The following PCDHA1 variants were observed in gnomAD, a reference collection of about 807,000 sequenced individuals.
The protein encoded by PCDHA1 is protocadherin alpha-1.
Under a neutral mutation model 61.3 loss-of-function variants are expected in PCDHA1, and 42 were observed. The ratio of observed to expected loss-of-function variants is 0.69; its 90% CI spans 0.54 to 0.89. The LOEUF is 0.89. Ranked by LOEUF, PCDHA1 falls within the 40% of genes least tolerant of loss-of-function variation. The pLI is 0.00. For missense variants in PCDHA1, 1,256 were observed against 1,235.3 expected, an observed-to-expected ratio of 1.02 and a Z score of -0.25; for synonymous variants, 610 against 553.8, an observed-to-expected ratio of 1.10 and a Z score of -1.43.
chr5:140,981,138 G>A (rs1554242668), intron 2 of PCDHA1, among the ~76,000 whole-genome samples: 11 of 152,206 alleles, frequency 7.2e-5, no homozygotes. Flanking sequence ...GTCAAAGAGT[G>A]AGAAAACATT....
chr5:140,937,071 T>G (rs2091308048), intron 1 of PCDHA1, among the ~76,000 whole-genome samples: 1 of 147,932 alleles, frequency 6.8e-6, no homozygotes, highest in African/African-American at 2.5e-5. Context: ...GGAGTCTCGC[T>G]CTGTCGCCCA....
At chr5:140,896,451 C>T (rs1173407136) in intron 1 of PCDHA1, among the ~76,000 whole-genome samples, 1 of 152,112 alleles carries the variant, frequency 6.6e-6, no homozygotes, top group Non-Finnish European at 1.5e-5. Flanking sequence ...CAACCTCCAC[C>T]TCCTGGGTTC....
intron 1 of PCDHA1, chr5:140,968,772 C>T (rs782257554): frequency 1.2e-6 from 2 of 1,614,180 alleles, no homozygotes; most frequent in South Asian, 1.1e-5. Context: ...GGAGAGCCAT[C>T]ACTATCAGCC....
At chr5:140,968,150 A>G (rs1554230413) in intron 1 of PCDHA1, 2 of 1,614,180 alleles carry the variant, frequency 1.2e-6, no homozygotes, top group Admixed American at 1.7e-5. Flanking sequence ...GATCTCTGAC[A>G]TCAATGACAA....
In PCDHA1 at chr5:141,011,833, C is replaced by T. The variant is rs1223674434; in HGVS notation, c.*1896C>T. 6.5e-6 allele frequency: 1 copy of T among 153,366 alleles called. No individual in the cohort carries two copies. Among genetic ancestry groups the T allele is most frequent in the Non-Finnish European group, 1.5e-5 (1 of 67,994 alleles). 9.5% of individuals were successfully genotyped at this position (153,366 alleles called of 1,614,324 possible). On this transcript the variant is annotated 3_prime_UTR_variant, in exon 4 of 4. Transcript: ENST00000504120. ...TAGAAAGTAACAAAATTTGCTGTCA[C>T]CTTAAATAAGACATTTTAATTTTGT...
chr5:140,875,738 G>T lies in PCDHA1; in HGVS notation c.2394+87054G>T, dbSNP rs1197047985. 12 of 1,614,086 alleles carry T rather than the reference G, an allele frequency of 7.4e-6. No homozygotes were observed. The highest frequency in any genetic ancestry group is 3.3e-5 in the Admixed American group (2 of 60,008). ...AATGGCATTTTGTTTGTGAATTCTC[G>T]GATCGACCGCGAGAAGCTGTGCGGG... On this transcript the variant is annotated intron_variant, in intron 1 of 3. Coordinates refer to ENST00000504120, the MANE Select transcript of PCDHA1 (RefSeq NM_018900.4).
At chr5:140,875,430 C>G in intron 1 of PCDHA1, 1 of 1,557,170 alleles carries the variant, frequency 6.4e-7, no homozygotes. Context: ...CAAGCGATCC[C>G]TTAAAACTGA....
rs782727470 is a variant in PCDHA1, at chr5:140,795,963, T to C, written c.2394+7279T>C. ...AAGGAACCCCTTCAATGTCAGGACA[T>C]TGTAAAATTTCATTAAAACTTGTGG... On this transcript the variant is annotated intron_variant, in intron 1 of 3. Transcript: ENST00000504120. 6 of 1,614,084 alleles carry C rather than the reference T, an allele frequency of 3.7e-6. No homozygotes were observed. The South Asian group carries it at 6.6e-5, about 18-fold the overall frequency.
intron 1 of PCDHA1, among the ~76,000 whole-genome samples, chr5:140,975,301 C>A (rs943526337): frequency 2.3e-4 from 35 of 152,200 alleles, no homozygotes; most frequent in African/African-American, 8.4e-4. Flanking sequence ...TTAAAGAGCT[C>A]ATGTGATTAT....
rs782443419 is a variant in PCDHA1, at chr5:140,882,688, A to T, written c.2394+94004A>T. On this transcript the variant is annotated intron_variant, in intron 1 of 3. Coordinates refer to ENST00000504120, the MANE Select transcript of PCDHA1 (RefSeq NM_018900.4). ...TATTCCCTGAAAGCAAGAAACGAATAATCATTGCAGAATCTAGACCTCCGG... is the reference window on the plus strand; with the variant it reads ...TATTCCCTGAAAGCAAGAAACGAATTATCATTGCAGAATCTAGACCTCCGG... The T allele has an allele frequency of 1.2e-5, 20 of 1,614,078 alleles. 1 individual carries two copies. In the South Asian group the frequency reaches 2.2e-4, roughly 18 times the overall value.
At position 141,010,023 on chromosome 5, in the gene PCDHA1, C is replaced by T. The variant is rs1196328903; in HGVS notation, c.*86C>T. Reference sequence around the variant, plus strand: ...TGTAGCAATTCCCTGCTCCTTTTTCCTATCTACATGAGCCCTCTTAGAGAC... The same window carrying T: ...TGTAGCAATTCCCTGCTCCTTTTTCTTATCTACATGAGCCCTCTTAGAGAC... On this transcript the variant is annotated 3_prime_UTR_variant, in exon 4 of 4. Transcript: ENST00000504120. 10 of 1,571,304 alleles carry T rather than the reference C, an allele frequency of 6.4e-6. No homozygotes were observed. Among genetic ancestry groups the T allele is most frequent in the Non-Finnish European group, 8.6e-6 (10 of 1,163,016 alleles).
chr5:140,854,281 A>C, intron 1 of PCDHA1: 2 of 533,292 alleles, frequency 3.8e-6, no homozygotes, highest in Non-Finnish European at 4.8e-6. Context: ...AATTGAGTTT[A>C]GTTTTTATTA....
At chr5:140,984,408 T>G (rs1394037702) in intron 3 of PCDHA1, among the ~76,000 whole-genome samples, 2 of 152,200 alleles carry the variant, frequency 1.3e-5, no homozygotes, top group African/African-American at 2.4e-5. Flanking sequence ...AACCTATCTT[T>G]TTTACAGAGA....
At chr5:140,850,071 G>A (rs2150465789) in intron 1 of PCDHA1, 1 of 1,596,556 alleles carries the variant, frequency 6.3e-7, no homozygotes, top group Non-Finnish European at 8.6e-7. Flanking sequence ...GTTGGACCAC[G>A]AGGAGCTGGA....
At chr5:140,915,626 G>GTCTC (rs57920489) in intron 1 of PCDHA1, among the ~76,000 whole-genome samples, 42,931 of 146,342 alleles carry the variant, frequency 0.29, 6,396 homozygotes, top group East Asian at 0.48. Context: ...GTCTCTTTCT[G>GTCTC]TCTCTCTCTC....
intron 1 of PCDHA1, chr5:140,801,031 T>C: frequency 7.0e-7 from 1 of 1,427,858 alleles, no homozygotes; most frequent in South Asian, 1.6e-5. Context: ...ACAAGGTCTT[T>C]CTCCACAAAA....
chr5:140,829,861 G>T lies in PCDHA1; in HGVS notation c.2394+41177G>T, dbSNP rs200510937. 1.7e-5 allele frequency: 27 copies of T among 1,613,838 alleles called. No individual in the cohort carries two copies. The East Asian group carries it at 5.6e-4, about 33-fold the overall frequency. ...CGCGGTCACTGGGTGCAGGCCAAGT[G>T]GTGGCGAAGGTGCGCGCAGTTGACG... On this transcript the variant is annotated intron_variant, in intron 1 of 3. Transcript: ENST00000504120.
At position 140,928,355 on chromosome 5, in the gene PCDHA1, T is replaced by C. The variant is rs368876306; in HGVS notation, c.2395-50594T>C. On this transcript the variant is annotated intron_variant, in intron 1 of 3. Coordinates refer to ENST00000504120, the MANE Select transcript of PCDHA1 (RefSeq NM_018900.4). ...GTCTCTTATGAGCTGTTGGATGTTA[T>C]CTCTGAAGGGCCATCAGCCTCTAGC... 8.1e-6 allele frequency: 13 copies of C among 1,614,062 alleles called. No individual in the cohort carries two copies. The African/African-American group carries it at 1.6e-4, about 20-fold the overall frequency.
chr5:140,828,428 C>T (rs2150155297), intron 1 of PCDHA1: 2 of 1,614,252 alleles, frequency 1.2e-6, no homozygotes, highest in Admixed American at 1.7e-5. Context: ...CGTGGACAGG[C>T]CGCTGCAGGT....
Sources: allele counts gnomAD v4.1 joint callset (sites outside exome capture counted in the v4.1 genomes callset), GRCh38; gene constraint gnomAD v4.1.1; transcripts MANE v1.5; gene names NCBI Gene and HGNC (gene_info 2026-07-23, HGNC 2026-07-21).